CSMD1: variants seen among roughly 807,000 people sequenced by gnomAD.
CSMD1 encodes CUB and Sushi multiple domains 1.
In CSMD1, 213 loss-of-function variants were observed where a neutral mutation model predicts 417.5. That is an observed-to-expected ratio of 0.51 (90% CI 0.46 to 0.57). CSMD1 has a LOEUF of 0.57. CSMD1 is among the 20% of genes least tolerant of loss of function. The pLI, the probability that CSMD1 is intolerant of heterozygous loss-of-function variation, is 0.00. For synonymous variants in CSMD1, 2,862 were observed against 1,736.8 expected, an observed-to-expected ratio of 1.65 and a Z score of -16.11; for missense variants, 6,923 against 4,529.7, an observed-to-expected ratio of 1.53 and a Z score of -15.17.
chr8:4,303,806 C>G (rs1249824431), intron 3 of CSMD1, among the ~76,000 whole-genome samples: 1 of 152,058 alleles, frequency 6.6e-6, no homozygotes, highest in Non-Finnish European at 1.5e-5. Flanking sequence ...CAGGCACACT[C>G]CACTCTCCCC....
rs566359511 is a variant in CSMD1 at position 3,587,972 on chromosome 8, T to C, written c.1098-1712A>G. 6.6e-4 allele frequency among the ~76,000 whole-genome samples: 101 copies of C among 152,278 alleles called. 1 individual carries two copies. The highest frequency in any genetic ancestry group is 6.8e-3 in the Middle Eastern group (2 of 294). On this transcript the variant is annotated intron_variant, in intron 8 of 69. Coordinates refer to ENST00000635120, the MANE Select transcript of CSMD1 (RefSeq NM_033225.6). ...AACAAAACCCAGTCGTGATTCCCAT[T>C]TTCATTGCTAGCCATCACAGTTATT... is the stretch of plus-strand genomic sequence containing the variant.
At chr8:3,068,494 A>T (rs934554116) in intron 49 of CSMD1, among the ~76,000 whole-genome samples, 1 of 152,200 alleles carries the variant, frequency 6.6e-6, no homozygotes, top group African/African-American at 2.4e-5. Context: ...GCACATGTGT[A>T]TTAGGCCATT....
chr8:4,954,906 C>T (rs1489666576), intron 1 of CSMD1, among the ~76,000 whole-genome samples: 1 of 152,142 alleles, frequency 6.6e-6, no homozygotes, highest in Non-Finnish European at 1.5e-5. Context: ...TTCAAAATAC[C>T]TGATTGAAAT....
intron 21 of CSMD1, among the ~76,000 whole-genome samples, chr8:3,351,950 A>G (rs1251968596): frequency 2.0e-5 from 3 of 152,162 alleles, no homozygotes; most frequent in Admixed American, 6.5e-5. Context: ...TGTTTGAGTT[A>G]ATACCATCCT....
chr8:4,740,425 G>A (rs1391299667), intron 1 of CSMD1, among the ~76,000 whole-genome samples: 1 of 152,116 alleles, frequency 6.6e-6, no homozygotes. Flanking sequence ...TGCTTACTCT[G>A]TTTCTGCAAC....
intron 26 of CSMD1, among the ~76,000 whole-genome samples, chr8:3,247,364 G>C (rs1307457537): frequency 6.6e-6 from 1 of 152,064 alleles, no homozygotes; most frequent in Non-Finnish European, 1.5e-5. Flanking sequence ...GCTTGCTCCT[G>C]AACCGCTAGC....
intron 6 of CSMD1, among the ~76,000 whole-genome samples, chr8:3,738,688 C>A (rs971327417): frequency 2.6e-5 from 4 of 152,160 alleles, no homozygotes; most frequent in Non-Finnish European, 2.9e-5. Flanking sequence ...CTACTGAATG[C>A]ACACAGACAC....
intron 3 of CSMD1, among the ~76,000 whole-genome samples, chr8:4,408,009 A>C (rs1041753626): frequency 1.3e-5 from 2 of 152,086 alleles, no homozygotes; most frequent in African/African-American, 4.8e-5. Flanking sequence ...GTCCCCACAC[A>C]CCAGCTGTCC....
At position 3,992,901 on chromosome 8, in the gene CSMD1, C is replaced by G. The variant is rs2627333; in HGVS notation, c.818+5002G>C. On this transcript the variant is annotated intron_variant, in intron 5 of 69. Coordinates refer to ENST00000635120, the MANE Select transcript of CSMD1 (RefSeq NM_033225.6). ...AAACGATGTCACTGCTTTTCCAAAGCCATTTTTCTCACAAAAGATTGAATT... is the reference window on the plus strand; with the variant it reads ...AAACGATGTCACTGCTTTTCCAAAGGCATTTTTCTCACAAAAGATTGAATT... Among the ~76,000 whole-genome samples, 5 of 152,370 alleles carry G rather than the reference C, an allele frequency of 3.3e-5. No individual in the cohort carries two copies. In the South Asian group the frequency reaches 1.0e-3, roughly 32 times the overall value.
At chr8:4,042,398 C>T (rs1043000426) in intron 3 of CSMD1, among the ~76,000 whole-genome samples, 2 of 151,976 alleles carry the variant, frequency 1.3e-5, no homozygotes, top group East Asian at 1.9e-4. Context: ...ATAGGAAGTA[C>T]TGAAATAACG....
intron 3 of CSMD1, among the ~76,000 whole-genome samples, chr8:4,248,176 A>G (rs1326075744): frequency 6.6e-6 from 1 of 152,214 alleles, no homozygotes; most frequent in Non-Finnish European, 1.5e-5. Flanking sequence ...TGAAACTTGA[A>G]GCCCTGGAAA....
intron 12 of CSMD1, among the ~76,000 whole-genome samples, chr8:3,415,437 A>G (rs1469701572): frequency 6.6e-6 from 1 of 152,214 alleles, no homozygotes; most frequent in African/African-American, 2.4e-5. Context: ...AGCTCACTGT[A>G]ACCTCTACCT....
At chr8:3,768,880 G>T (rs1224062706) in intron 5 of CSMD1, among the ~76,000 whole-genome samples, 1 of 152,158 alleles carries the variant, frequency 6.6e-6, no homozygotes, top group African/African-American at 2.4e-5. Flanking sequence ...GTCCATCCTA[G>T]AGCACCACTT....
intron 5 of CSMD1, among the ~76,000 whole-genome samples, chr8:3,797,015 T>C (rs1800190635): frequency 6.6e-6 from 1 of 151,946 alleles, no homozygotes; most frequent in Non-Finnish European, 1.5e-5. Context: ...ATGTTGTTAA[T>C]TATATAAATT....
intron 1 of CSMD1, among the ~76,000 whole-genome samples, chr8:4,954,782 G>C (rs189719012): frequency 6.6e-6 from 1 of 151,966 alleles, no homozygotes; most frequent in East Asian, 1.9e-4. Flanking sequence ...ACAGAATTAC[G>C]GTTTTCCATA....
At chr8:3,865,003 G>A (rs369415510) in intron 5 of CSMD1, among the ~76,000 whole-genome samples, 1 of 152,186 alleles carries the variant, frequency 6.6e-6, no homozygotes, top group East Asian at 1.9e-4. Flanking sequence ...TAGTCTGGTT[G>A]AGGTGCTAGC....
intron 2 of CSMD1, among the ~76,000 whole-genome samples, chr8:4,558,312 CT>C (rs1798182691): frequency 6.6e-6 from 1 of 152,186 alleles, no homozygotes; most frequent in South Asian, 2.1e-4. Context: ...CACTTAACCA[CT>C]TGATTCTTCA....
chr8:3,584,759 C>T (rs956951351), intron 9 of CSMD1, among the ~76,000 whole-genome samples: 6 of 152,016 alleles, frequency 3.9e-5, no homozygotes, highest in South Asian at 2.1e-4. Flanking sequence ...GCCTATTTCC[C>T]GGATATAAGA....
chr8:3,676,083 A>G (rs941092346), intron 7 of CSMD1, among the ~76,000 whole-genome samples: 7 of 152,232 alleles, frequency 4.6e-5, no homozygotes, highest in African/African-American at 1.7e-4. Flanking sequence ...GTATCTCTTA[A>G]TTAAATATAT....
Sources: allele counts gnomAD v4.1 joint callset (sites outside exome capture counted in the v4.1 genomes callset), GRCh38; gene constraint gnomAD v4.1.1; transcripts MANE v1.5; gene names NCBI Gene and HGNC (gene_info 2026-07-23, HGNC 2026-07-21).